The following WNT2 variants were observed in gnomAD, a reference collection of about 807,000 sequenced individuals.
The protein encoded by WNT2 is Wnt family member 2, also known as protein Wnt-2.
In WNT2, 12 loss-of-function variants were observed where a neutral mutation model predicts 36.9. The observed-to-expected ratio is 0.33, with a 90% confidence interval of 0.21 to 0.53. The LOEUF (loss-of-function observed/expected upper bound fraction) is 0.53, where lower values mean the gene tolerates loss of function less well. Among genes scored for constraint, WNT2 ranks in the 20% least tolerant of loss-of-function variants. The probability of loss-of-function intolerance (pLI) is 0.95; values close to 1 mark genes in which losing one functional copy is unlikely to be tolerated. For synonymous variants in WNT2, 163 were observed against 174.6 expected, an observed-to-expected ratio of 0.93 and a Z score of 0.52; for missense variants, 379 against 473.1, an observed-to-expected ratio of 0.80 and a Z score of 1.84.
intron 3 of WNT2, among the ~76,000 whole-genome samples, chr7:117,308,301 G>A (rs1373710384): frequency 1.3e-5 from 2 of 152,190 alleles, no homozygotes; most frequent in African/African-American, 4.8e-5. Flanking sequence ...GGTGGGCTTA[G>A]CTAGAAAATA....
At chr7:117,307,717 A>G (rs1015448457) in intron 3 of WNT2, among the ~76,000 whole-genome samples, 1 of 152,046 alleles carries the variant, frequency 6.6e-6, no homozygotes, top group African/African-American at 2.4e-5. Flanking sequence ...GAACATGAGA[A>G]TTTTTTTCTT....
intron 4 of WNT2, among the ~76,000 whole-genome samples, chr7:117,279,354 G>A (rs1035679622): frequency 3.3e-5 from 5 of 152,150 alleles, no homozygotes; most frequent in African/African-American, 1.2e-4. Context: ...ACAGAGATGG[G>A]CACCTGGCAG....
intron 4 of WNT2, among the ~76,000 whole-genome samples, chr7:117,289,051 C>CTT (rs1187027317): frequency 0.013 from 1,140 of 89,454 alleles, 160 homozygotes; most frequent in African/African-American, 0.039. Flanking sequence ...TCACGTTAGA[C>CTT]TTTTTTTTTT....
chr7:117,300,250 G>A (rs1794877466), intron 3 of WNT2, among the ~76,000 whole-genome samples: 1 of 152,102 alleles, frequency 6.6e-6, no homozygotes, highest in Non-Finnish European at 1.5e-5. Flanking sequence ...GCAGTGGCGC[G>A]ATCTCAGCTC....
rs79628112 is a variant in WNT2, at chr7:117,296,141, C to T, written c.853+1471G>A. Among the ~76,000 whole-genome samples, 49 of 152,246 alleles carry T rather than the reference C, an allele frequency of 3.2e-4. No individual in the cohort carries two copies. In the East Asian group the frequency reaches 8.9e-3, roughly 28 times the overall value. ...GTGACTGGTAGAGGGGGGTCAGACC[C>T]CTGGGACAATCCTGTATCCAAGCAC... On this transcript the variant is annotated intron_variant, in intron 4 of 4. Transcript: ENST00000265441.
At chr7:117,321,304 T>TTAC (rs1432517958) in intron 1 of WNT2, among the ~76,000 whole-genome samples, 1 of 152,220 alleles carries the variant, frequency 6.6e-6, no homozygotes, top group Non-Finnish European at 1.5e-5. Flanking sequence ...GTATCTGATG[T>TTAC]TACACTCTCC....
chr7:117,310,891 C>A (rs543795647), intron 3 of WNT2, among the ~76,000 whole-genome samples: 1 of 152,288 alleles, frequency 6.6e-6, no homozygotes, highest in South Asian at 2.1e-4. Context: ...TGTTATTATA[C>A]CACATAGCAT....
chr7:117,295,403 A>G lies in WNT2; in HGVS notation c.853+2209T>C, dbSNP rs188222087. ...TTAAGAAAGAGAATTTCTTTCTAAT[A>G]CAAAGAGTTGAAAAAGCGGAGTACG... is the stretch of plus-strand genomic sequence containing the variant. On this transcript the variant is annotated intron_variant, in intron 4 of 4. Coordinates refer to ENST00000265441, the MANE Select transcript of WNT2 (RefSeq NM_003391.3). 4.1e-4 allele frequency among the ~76,000 whole-genome samples: 63 copies of G among 152,360 alleles called. No homozygotes were observed. The East Asian group carries it at 6.0e-3, about 14-fold the overall frequency.
At position 117,315,222 on chromosome 7, in the gene WNT2, T is replaced by G; in HGVS notation, c.437A>C (p.Lys146Thr). The G allele has an allele frequency of 1.2e-6, 2 of 1,614,234 alleles. No individual in the cohort carries two copies. The change falls in exon 3 of 5, where the codon AAG (lysine) becomes ACG (threonine). Residue 146 changes from lysine to threonine, a missense_variant. Coordinates refer to ENST00000265441, the MANE Select transcript of WNT2 (RefSeq NM_003391.3). ...SCDPKKMGSA[K>T]DSKGIFDWGG... The stretch of plus-strand genomic sequence containing the variant: ...CCAATCAAAAATGCCTTTGCTGTCC[T>G]TGGCGCTTCCCATCTTCTTTGGATC...
intron 4 of WNT2, among the ~76,000 whole-genome samples, chr7:117,296,601 G>C (rs897266532): frequency 2.0e-5 from 3 of 152,078 alleles, no homozygotes; most frequent in Non-Finnish European, 4.4e-5. Flanking sequence ...CACCTCCTAT[G>C]AATTTAGACT....
chr7:117,314,942 G>A (rs895794427), intron 3 of WNT2, 129 bp downstream of exon 3: 6 of 1,358,932 alleles, frequency 4.4e-6, no homozygotes, highest in African/African-American at 4.4e-5. Flanking sequence ...ACAGCTAATG[G>A]CTGGGGGACA....
chr7:117,307,399 AG>A (rs1182777004), intron 3 of WNT2, among the ~76,000 whole-genome samples: 2 of 152,220 alleles, frequency 1.3e-5, no homozygotes, highest in African/African-American at 4.8e-5. Flanking sequence ...TAGATCTCAC[AG>A]GCAGTAAGTG....
intron 2 of WNT2, among the ~76,000 whole-genome samples, chr7:117,316,416 A>T (rs1361401852): frequency 6.6e-6 from 1 of 152,194 alleles, no homozygotes; most frequent in African/African-American, 2.4e-5. Context: ...GCTGCGGCAA[A>T]TATATTAACA....
intron 4 of WNT2, among the ~76,000 whole-genome samples, chr7:117,282,966 G>C (rs1278312238): frequency 1.3e-5 from 2 of 152,190 alleles, no homozygotes; most frequent in African/African-American, 2.4e-5. Context: ...AGTGGAGACT[G>C]GGGGAGGATG....
chr7:117,314,926 G>A lies in WNT2; in HGVS notation c.588+145C>T, dbSNP rs114493690. Reference sequence around the variant, plus strand: ...TCAACCTAGTTGTTGGTATTCTTCCGAACAAACAGCTAATGGCTGGGGGAC... The same window carrying A: ...TCAACCTAGTTGTTGGTATTCTTCCAAACAAACAGCTAATGGCTGGGGGAC... On this transcript the variant is annotated intron_variant, in intron 3 of 4. Transcript: ENST00000265441. 1.3e-3 allele frequency: 1,593 copies of A among 1,266,740 alleles called. 11 individuals carry two copies. The African/African-American group carries it at 0.017, about 14-fold the overall frequency. The allele number at this position is 1,266,740 out of a possible 1,614,324, so 78.5% of individuals were successfully genotyped here.
At chr7:117,289,310 G>A (rs1167665652) in intron 4 of WNT2, among the ~76,000 whole-genome samples, 4 of 151,942 alleles carry the variant, frequency 2.6e-5, no homozygotes, top group Non-Finnish European at 5.9e-5. Context: ...CTCCTGCCTC[G>A]GCCTCCCAAA....
chr7:117,290,896 C>CT (rs1794677700), intron 4 of WNT2, among the ~76,000 whole-genome samples: 1 of 152,208 alleles, frequency 6.6e-6, no homozygotes, highest in African/African-American at 2.4e-5. Flanking sequence ...AAATGAGGGA[C>CT]TTAAGGTGTA....
chr7:117,298,809 G>A (rs1794845461), intron 3 of WNT2, among the ~76,000 whole-genome samples: 1 of 152,162 alleles, frequency 6.6e-6, no homozygotes, highest in African/African-American at 2.4e-5. Flanking sequence ...TAGCACTCCT[G>A]GTCCTCACAA....
At chr7:117,296,493 A>T (rs1289179794) in intron 4 of WNT2, among the ~76,000 whole-genome samples, 4 of 150,540 alleles carry the variant, frequency 2.7e-5, no homozygotes, top group East Asian at 1.9e-4. Context: ...ATTTTGAAAT[A>T]AAAAAAAATC....
Sources: gnomAD v4.1 joint callset for allele counts (sites outside exome capture counted in the v4.1 genomes callset) on GRCh38, gnomAD v4.1.1 for gene constraint, MANE v1.5 for transcripts, NCBI Gene and HGNC (gene_info 2026-07-23, HGNC 2026-07-21) for gene names.